Variants in LDLRAD3 observed in about 807,000 individuals in gnomAD.
LDLRAD3 encodes low-density lipoprotein receptor class A domain-containing protein 3.
A neutral mutation model predicts 29.4 loss-of-function variants in LDLRAD3; 20 were observed. That is an observed-to-expected ratio of 0.68 (90% CI 0.48 to 0.99). The LOEUF (loss-of-function observed/expected upper bound fraction) is 0.99, where lower values mean the gene tolerates loss of function less well. LDLRAD3 is among the 50% of genes least tolerant of loss of function. The probability of loss-of-function intolerance (pLI) is 0.00; values close to 1 mark genes in which losing one functional copy is unlikely to be tolerated. For missense variants in LDLRAD3, 420 were observed against 454.3 expected, an observed-to-expected ratio of 0.92 and a Z score of 0.69; for synonymous variants, 157 against 192.7, an observed-to-expected ratio of 0.81 and a Z score of 1.53.
chr11:36,124,057 A>C (rs1193124713), intron 4 of LDLRAD3, among the ~76,000 whole-genome samples: 1 of 152,264 alleles, frequency 6.6e-6, no homozygotes, highest in Non-Finnish European at 1.5e-5. Context: ...GCTTAATTAT[A>C]TAAAGGTTAT....
chr11:36,095,493 T>C (rs781664774), intron 3 of LDLRAD3, among the ~76,000 whole-genome samples: 59 of 152,224 alleles, frequency 3.9e-4, no homozygotes, highest in Admixed American at 9.8e-4. Flanking sequence ...CCTTTTTTTC[T>C]ATTGAGTTAT....
At chr11:36,019,268 T>C (rs1852063221) in intron 1 of LDLRAD3, among the ~76,000 whole-genome samples, 1 of 152,216 alleles carries the variant, frequency 6.6e-6, no homozygotes, top group African/African-American at 2.4e-5. Flanking sequence ...TCTTGCCCCG[T>C]GTCTCTTAAA....
intron 4 of LDLRAD3, among the ~76,000 whole-genome samples, chr11:36,105,668 CA>C (rs1447108030): frequency 2.0e-5 from 3 of 152,022 alleles, no homozygotes; most frequent in African/African-American, 7.2e-5. Flanking sequence ...ATTTACAAGC[CA>C]AGGATCAGCA....
intron 4 of LDLRAD3, among the ~76,000 whole-genome samples, chr11:36,139,043 A>G (rs1222355264): frequency 2.0e-5 from 3 of 152,156 alleles, no homozygotes; most frequent in East Asian, 1.9e-4. Context: ...ACTCCCTGCT[A>G]TCCCTGTGCT....
At chr11:36,147,893 CAG>C (rs1854221699) in intron 4 of LDLRAD3, among the ~76,000 whole-genome samples, 1 of 152,116 alleles carries the variant, frequency 6.6e-6, no homozygotes, top group African/African-American at 2.4e-5. Context: ...TCTTTTGAGA[CAG>C]AGTTTCACTG....
chr11:36,098,247 C>T (rs1300405698), intron 3 of LDLRAD3, 80 bp from the exon 4 acceptor site: 15 of 1,544,988 alleles, frequency 9.7e-6, no homozygotes, highest in East Asian at 6.8e-5. Flanking sequence ...GCGGGACACA[C>T]GCCAGGCTGG....
At chr11:35,972,181 C>CAG (rs1299439227) in intron 1 of LDLRAD3, among the ~76,000 whole-genome samples, 2 of 151,958 alleles carry the variant, frequency 1.3e-5, no homozygotes, top group Non-Finnish European at 2.9e-5. Context: ...TGTGAAACCC[C>CAG]AGAGTTTCAC....
chr11:36,137,648 G>A (rs1434260223), intron 4 of LDLRAD3, among the ~76,000 whole-genome samples: 1 of 152,208 alleles, frequency 6.6e-6, no homozygotes, highest in Non-Finnish European at 1.5e-5. Context: ...TGTGCCCGTG[G>A]ACAACATTGT....
chr11:35,995,222 A>C (rs1456479069), intron 1 of LDLRAD3, among the ~76,000 whole-genome samples: 24 of 152,124 alleles, frequency 1.6e-4, no homozygotes, highest in Admixed American at 1.6e-3. Context: ...AGTTGGAATG[A>C]CTCTTTGATC....
chr11:36,049,003 A>AG, intron 2 of LDLRAD3, among the ~76,000 whole-genome samples: 1 of 152,164 alleles, frequency 6.6e-6, no homozygotes, highest in Admixed American at 6.5e-5. Flanking sequence ...TCTGCTTGCA[A>AG]GGGGAGAATC....
chr11:35,965,970 G>A lies in LDLRAD3; in HGVS notation c.46+21826G>A, dbSNP rs148398114. On this transcript the variant is annotated intron_variant, in intron 1 of 5. Transcript: ENST00000315571. ...TATTAACTTTTGGATCTGTGAATCT[G>A]GGCCCTACTGCCAAGGCATGTTACT... 4.9e-3 allele frequency among the ~76,000 whole-genome samples: 743 copies of A among 152,208 alleles called. 9 individuals carry two copies. Among genetic ancestry groups the A allele is most frequent in the African/African-American group, 0.017 (694 of 41,516 alleles).
chr11:36,097,740 G>C (rs117048585), intron 3 of LDLRAD3, among the ~76,000 whole-genome samples: 3 of 152,078 alleles, frequency 2.0e-5, no homozygotes, highest in African/African-American at 7.2e-5. Context: ...TTGAGTAATG[G>C]ACACCTGAAT....
At position 36,098,477 on chromosome 11, in the gene LDLRAD3, G is replaced by T; in HGVS notation, c.454+16G>T. 1 of 1,613,956 alleles carries T rather than the reference G, an allele frequency of 6.2e-7. No individual in the cohort carries two copies. Among genetic ancestry groups the T allele is most frequent in the Non-Finnish European group, 8.5e-7 (1 of 1,179,882 alleles). On this transcript the variant is annotated intron_variant, in intron 4 of 5. Transcript: ENST00000315571. The stretch of plus-strand genomic sequence containing the variant: ...AGTTCTCAAGGTAGGAACCTCTCAA[G>T]CTCTAAAAAGATAATTGCAACACAA...
At chr11:36,046,926 T>A (rs1168686453) in intron 2 of LDLRAD3, among the ~76,000 whole-genome samples, 2 of 152,242 alleles carry the variant, frequency 1.3e-5, no homozygotes, top group Non-Finnish European at 2.9e-5. Context: ...GTCAGGTGGA[T>A]GTACTCTTTT....
At chr11:36,032,384 G>A (rs1852246359) in intron 1 of LDLRAD3, among the ~76,000 whole-genome samples, 1 of 152,198 alleles carries the variant, frequency 6.6e-6, no homozygotes, top group Admixed American at 6.5e-5. Flanking sequence ...GCTGGGCTTT[G>A]TAAACTATGG....
chr11:36,159,205 T>C (rs11033470), intron 4 of LDLRAD3, among the ~76,000 whole-genome samples: 61,600 of 152,070 alleles, frequency 0.41, 14,083 homozygotes, highest in East Asian at 0.64. Context: ...TGGTCGTTCA[T>C]GGCTGTAATC....
chr11:36,194,645 G>A (rs1225046116), intron 4 of LDLRAD3, among the ~76,000 whole-genome samples: 1 of 152,174 alleles, frequency 6.6e-6, no homozygotes, highest in East Asian at 1.9e-4. Context: ...CAGAAACCCA[G>A]TGTGAATCCA....
intron 1 of LDLRAD3, among the ~76,000 whole-genome samples, chr11:36,014,873 C>T (rs1232072624): frequency 1.3e-5 from 2 of 152,020 alleles, no homozygotes; most frequent in African/African-American, 4.8e-5. Flanking sequence ...TTGCCAAAGA[C>T]AAATAAAAAA....
At chr11:35,983,379 G>C (rs1590704403) in intron 1 of LDLRAD3, among the ~76,000 whole-genome samples, 2 of 152,144 alleles carry the variant, frequency 1.3e-5, no homozygotes, top group South Asian at 4.1e-4. Context: ...TATGTGGCTT[G>C]CATTATATTT....
Sources: gnomAD v4.1 joint callset for allele counts (sites outside exome capture counted in the v4.1 genomes callset) on GRCh38, gnomAD v4.1.1 for gene constraint, MANE v1.5 for transcripts, NCBI Gene and HGNC (gene_info 2026-07-23, HGNC 2026-07-21) for gene names.